TMEM272: variants seen among roughly 807,000 people sequenced by gnomAD.
The protein encoded by TMEM272 is transmembrane protein 272.
TMEM272 carries 8 observed loss-of-function variants against 3.7 expected under a neutral mutation model. That is an observed-to-expected ratio of 2.17 (90% CI 1.27 to 3.91). TMEM272 has a LOEUF of 3.91. Ranked by LOEUF, TMEM272 falls within the 30% of genes most tolerant of loss-of-function variation. The pLI is 0.00. For synonymous variants in TMEM272, 63 were observed against 39.8 expected (o/e 1.58, Z -2.20); for missense variants, 166 against 91.5 (o/e 1.81, Z -3.32).
At chr13:51,863,366 A>ACTGTAG in the TMEM272 span, among the ~76,000 whole-genome samples, 1 of 152,134 alleles carries the variant, frequency 6.6e-6, no homozygotes, top group African/African-American at 2.4e-5. Flanking sequence ...TCTAGAAAAC[A>ACTGTAG]CCTGTAGGGC....
chr13:51,896,495 C>T, the TMEM272 span, among the ~76,000 whole-genome samples: 1 of 152,292 alleles, frequency 6.6e-6, no homozygotes, highest in African/African-American at 2.4e-5. Context: ...CTAAAATGCT[C>T]AGGGCAGGTC....
chr13:51,934,239 CTA>C, the TMEM272 span: 3 of 231,334 alleles, frequency 1.3e-5, no homozygotes, highest in Non-Finnish European at 2.6e-5. Flanking sequence ...AAGGAACAGA[CTA>C]TGTACGAAGA....
the TMEM272 span, among the ~76,000 whole-genome samples, chr13:51,853,977 G>A: frequency 6.6e-6 from 1 of 152,082 alleles, no homozygotes; most frequent in Non-Finnish European, 1.5e-5. Context: ...TGGCAAGAAT[G>A]GTAAACTATT....
rs1265351020 is a variant in TMEM272 at position 51,815,229 on chromosome 13, T to G, written c.*1522A>C. 1 of 152,674 alleles carries G rather than the reference T, an allele frequency of 6.5e-6. No individual in the cohort carries two copies. The highest frequency in any genetic ancestry group is 2.4e-5 in the African/African-American group (1 of 41,420). The allele number at this position is 152,674 out of a possible 1,614,324, so 9.5% of individuals were successfully genotyped here. A position where few individuals can be genotyped will look rare whatever the true frequency, so the allele number is the denominator to read the frequency against. On this transcript the variant is annotated 3_prime_UTR_variant, in exon 5 of 5. Coordinates refer to ENST00000629372, the MANE Select transcript of TMEM272 (RefSeq NM_001351003.2). ...CGCTGGTCTTCTGCCATGGCTCAAG[T>G]GAAAATGAAAACAGAAACTGCCCTT...
the TMEM272 span, among the ~76,000 whole-genome samples, chr13:51,925,274 A>T: frequency 6.6e-6 from 1 of 152,194 alleles, no homozygotes; most frequent in Non-Finnish European, 1.5e-5. Context: ...TCATCGACTG[A>T]CTTCTAAAAC....
chr13:51,839,754 G>A (rs1956245438), intron 1 of TMEM272, among the ~76,000 whole-genome samples: 3 of 152,162 alleles, frequency 2.0e-5, no homozygotes, highest in Non-Finnish European at 4.4e-5. Context: ...CTCATAGCAG[G>A]CAAGTCACTC....
At chr13:51,933,506 G>T in the TMEM272 span, 8 of 152,246 alleles carry the variant, frequency 5.3e-5, no homozygotes, top group Admixed American at 6.5e-5. Context: ...TGCTCCCAAA[G>T]GGTTCTGTCA....
At chr13:51,923,313 C>A in the TMEM272 span, among the ~76,000 whole-genome samples, 2 of 152,218 alleles carry the variant, frequency 1.3e-5, 1 homozygote, top group Non-Finnish European at 2.9e-5. Context: ...TGTGATGGGA[C>A]CTCTCCGGAG....
chr13:51,921,975 C>T, the TMEM272 span, among the ~76,000 whole-genome samples: 1 of 152,210 alleles, frequency 6.6e-6, no homozygotes, highest in South Asian at 2.1e-4. Flanking sequence ...CATGCAATCT[C>T]TCCACTCATT....
At chr13:51,873,110 C>T in the TMEM272 span, among the ~76,000 whole-genome samples, 144 of 152,254 alleles carry the variant, frequency 9.5e-4, 1 homozygote, top group African/African-American at 3.3e-3. Context: ...AAAGACAAGA[C>T]GAAATTAATG....
Position 51,816,085 on chromosome 13 carries a change from G to A in TMEM272, c.*666C>T, listed in dbSNP as rs1033701361. 2.6e-5 allele frequency: 4 copies of A among 152,936 alleles called. 1 individual carries two copies. The highest frequency in any genetic ancestry group is 2.0e-4 in the Admixed American group (3 of 15,358). 9.5% of individuals were successfully genotyped at this position (152,936 alleles called of 1,614,324 possible). A position where few individuals can be genotyped will look rare whatever the true frequency, so the allele number is the denominator to read the frequency against. On this transcript the variant is annotated 3_prime_UTR_variant, in exon 5 of 5. Coordinates refer to ENST00000629372, the MANE Select transcript of TMEM272 (RefSeq NM_001351003.2). ...TGCACACGGCGCTGCACTCCGCAAT[G>A]CCTGTAGCAGGCCAGCCCGCCCCCT...
the TMEM272 span, among the ~76,000 whole-genome samples, chr13:51,853,445 T>A: frequency 6.6e-6 from 1 of 152,038 alleles, no homozygotes; most frequent in Non-Finnish European, 1.5e-5. Flanking sequence ...AAAATATATT[T>A]ACTATTCATT....
In TMEM272 at chr13:51,815,375, C is replaced by T. The variant is rs1956010545; in HGVS notation, c.*1376G>A. On this transcript the variant is annotated 3_prime_UTR_variant, in exon 5 of 5. Transcript: ENST00000629372. Reference sequence around the variant, plus strand: ...TGACTGCCCGGGGAGTGCTTCTAAACTGAAATGGGAAGACCCCATGGGACT... The same window carrying T: ...TGACTGCCCGGGGAGTGCTTCTAAATTGAAATGGGAAGACCCCATGGGACT... 6.6e-6 allele frequency: 1 copy of T among 152,578 alleles called. No homozygotes were observed. The highest frequency in any genetic ancestry group is 2.4e-5 in the African/African-American group (1 of 41,400). The allele number at this position is 152,578 out of a possible 1,614,324, so 9.5% of individuals were successfully genotyped here.
chr13:51,827,217 A>G (rs115851446), intron 2 of TMEM272, among the ~76,000 whole-genome samples: 1,555 of 152,286 alleles, frequency 0.01, 31 homozygotes, highest in African/African-American at 0.036. Context: ...TCTTTCTGTT[A>G]ATGCCACCAA....
chr13:51,926,730 T>C, the TMEM272 span, among the ~76,000 whole-genome samples: 2 of 151,996 alleles, frequency 1.3e-5, no homozygotes, highest in Non-Finnish European at 2.9e-5. Flanking sequence ...AGGGATGGAA[T>C]TATCCTCTGA....
At chr13:51,819,211 G>A (rs1566333662) in intron 4 of TMEM272, among the ~76,000 whole-genome samples, 1 of 152,156 alleles carries the variant, frequency 6.6e-6, no homozygotes, top group Non-Finnish European at 1.5e-5. Flanking sequence ...GAGGGGGAGT[G>A]GTGTGGCAAA....
chr13:51,844,499 C>T (rs961913200), intron 1 of TMEM272, among the ~76,000 whole-genome samples: 9 of 152,186 alleles, frequency 5.9e-5, no homozygotes, highest in African/African-American at 2.2e-4. Context: ...GTTTTCTCTC[C>T]TAACCATGCC....
the TMEM272 span, among the ~76,000 whole-genome samples, chr13:51,860,075 T>C: frequency 6.6e-6 from 1 of 152,080 alleles, no homozygotes; most frequent in Admixed American, 6.5e-5. Flanking sequence ...TTTAGTTTTG[T>C]AGAGACAGGG....
At chr13:51,920,849 T>C in the TMEM272 span, among the ~76,000 whole-genome samples, 2 of 152,220 alleles carry the variant, frequency 1.3e-5, no homozygotes, top group African/African-American at 4.8e-5. Flanking sequence ...TCACCTACAA[T>C]TGCGACAGTC....
Sources: gnomAD v4.1 joint callset for allele counts (sites outside exome capture counted in the v4.1 genomes callset) on GRCh38, gnomAD v4.1.1 for gene constraint, MANE v1.5 for transcripts, NCBI Gene and HGNC (gene_info 2026-07-23, HGNC 2026-07-21) for gene names.